KCND2: variants seen among roughly 807,000 people sequenced by gnomAD.
KCND2 encodes the protein A-type voltage-gated potassium channel KCND2.
KCND2 carries 16 observed loss-of-function variants against 54.4 expected under a neutral mutation model. The ratio of observed to expected loss-of-function variants is 0.29; its 90% confidence interval spans 0.20 to 0.45. The LOEUF is 0.45. KCND2 is among the 20% of genes least tolerant of loss of function. The pLI, the probability that KCND2 is intolerant of heterozygous loss-of-function variation, is 1.00. For missense variants in KCND2, 486 were observed against 824.2 expected, an observed-to-expected ratio of 0.59 and a Z score of 5.02; for synonymous variants, 317 against 310.7, an observed-to-expected ratio of 1.02 and a Z score of -0.21.
At chr7:120,358,796 G>T (rs1800546615) in intron 1 of KCND2, among the ~76,000 whole-genome samples, 1 of 152,086 alleles carries the variant, frequency 6.6e-6, no homozygotes, top group African/African-American at 2.4e-5. Flanking sequence ...GTACTCTTCT[G>T]TAAAGTATTT....
intron 1 of KCND2, among the ~76,000 whole-genome samples, chr7:120,648,122 C>G (rs971635609): frequency 1.3e-5 from 2 of 152,116 alleles, no homozygotes; most frequent in Non-Finnish European, 2.9e-5. Flanking sequence ...TCCTGTCCTC[C>G]TAAACTATCT....
At chr7:120,306,683 A>C (rs1391300302) in intron 1 of KCND2, among the ~76,000 whole-genome samples, 1 of 152,090 alleles carries the variant, frequency 6.6e-6, no homozygotes, top group Non-Finnish European at 1.5e-5. Flanking sequence ...CTCCATGTTT[A>C]TGTGTGTATA....
intron 1 of KCND2, among the ~76,000 whole-genome samples, chr7:120,698,308 T>C (rs1330176248): frequency 6.6e-6 from 1 of 152,216 alleles, no homozygotes; most frequent in East Asian, 1.9e-4. Context: ...GCAAATTACT[T>C]AAGAGCATGC....
At chr7:120,724,267 T>A (rs1314809393) in intron 1 of KCND2, among the ~76,000 whole-genome samples, 1 of 152,158 alleles carries the variant, frequency 6.6e-6, no homozygotes, top group Non-Finnish European at 1.5e-5. Flanking sequence ...TTCTACTCTC[T>A]CAGTTGCAAG....
chr7:120,537,871 C>T (rs1254631412), intron 1 of KCND2, among the ~76,000 whole-genome samples: 1 of 152,124 alleles, frequency 6.6e-6, no homozygotes, highest in Non-Finnish European at 1.5e-5. Flanking sequence ...CTGGTTTGAT[C>T]TCTTATCCAG....
chr7:120,696,937 C>G (rs1028958381), intron 1 of KCND2, among the ~76,000 whole-genome samples: 1 of 152,178 alleles, frequency 6.6e-6, no homozygotes, highest in Non-Finnish European at 1.5e-5. Context: ...GCTTCTAGAT[C>G]ATCAAGTAAA....
intron 1 of KCND2, among the ~76,000 whole-genome samples, chr7:120,566,668 T>C (rs925337289): frequency 1.3e-5 from 2 of 152,086 alleles, no homozygotes; most frequent in African/African-American, 4.8e-5. Flanking sequence ...GAATTCCCAT[T>C]ACTATTTTTG....
intron 1 of KCND2, among the ~76,000 whole-genome samples, chr7:120,644,275 C>G (rs1367214061): frequency 6.6e-6 from 1 of 152,160 alleles, no homozygotes; most frequent in Non-Finnish European, 1.5e-5. Flanking sequence ...GTTTTCAACT[C>G]TCCTGGAAAA....
At chr7:120,539,622 T>G (rs774739215) in intron 1 of KCND2, among the ~76,000 whole-genome samples, 2 of 152,178 alleles carry the variant, frequency 1.3e-5, no homozygotes, top group Non-Finnish European at 2.9e-5. Context: ...CTTTAGCTAT[T>G]AAGTATTTTA....
chr7:120,289,474 G>A (rs958322624), intron 1 of KCND2, among the ~76,000 whole-genome samples: 3 of 152,068 alleles, frequency 2.0e-5, no homozygotes. Flanking sequence ...AACATGGTCT[G>A]AGAAGCAAGT....
intron 1 of KCND2, among the ~76,000 whole-genome samples, chr7:120,624,780 CAA>C (rs72112527): frequency 6.6e-5 from 8 of 121,954 alleles, no homozygotes; most frequent in Non-Finnish European, 3.7e-5. Context: ...GACCCTGTCT[CAA>C]AAAAAAAAAA....
chr7:120,408,030 A>C lies in KCND2; in HGVS notation c.1115+132283A>C, dbSNP rs936774613. On this transcript the variant is annotated intron_variant, in intron 1 of 5. Transcript: ENST00000331113. ...GCGAAGAGGCTCTTGCTCTTGCAAC[A>C]CATGTTTAAGAAATGGGGGCCTGTA... 2.0e-5 allele frequency among the ~76,000 whole-genome samples: 3 copies of C among 151,990 alleles called. No homozygotes were observed. The South Asian group carries it at 6.2e-4, about 31-fold the overall frequency.
At chr7:120,417,801 A>G (rs187027257) in intron 1 of KCND2, among the ~76,000 whole-genome samples, 164 of 152,312 alleles carry the variant, frequency 1.1e-3, no homozygotes, top group African/African-American at 3.5e-3. Flanking sequence ...CAGTGGGAAC[A>G]GCACAACACA....
At chr7:120,444,052 C>T (rs989615579) in intron 1 of KCND2, among the ~76,000 whole-genome samples, 1 of 152,080 alleles carries the variant, frequency 6.6e-6, no homozygotes, top group African/African-American at 2.4e-5. Flanking sequence ...TCTTCATACC[C>T]TTATCCATGA....
Position 120,273,407 on chromosome 7 carries a change from C to T in KCND2, c.-1226C>T, listed in dbSNP as rs10257736. Among the ~76,000 whole-genome samples, 4,274 of 147,764 alleles carry T rather than the reference C, an allele frequency of 0.029. 204 individuals carry two copies. The highest frequency in any genetic ancestry group is 0.098 in the African/African-American group (4,034 of 41,042). ...GCCCCACCGCGCCAACGCCGCCCGC[C>T]CGGCCGCCCCGCAGCCCCGCCGCCC... is the stretch of plus-strand genomic sequence containing the variant. On this transcript the variant is annotated 5_prime_UTR_variant, in exon 1 of 6. Coordinates refer to ENST00000331113, the MANE Select transcript of KCND2 (RefSeq NM_012281.3).
intron 1 of KCND2, among the ~76,000 whole-genome samples, chr7:120,598,991 T>G (rs1041790933): frequency 6.6e-6 from 1 of 152,170 alleles, no homozygotes; most frequent in Non-Finnish European, 1.5e-5. Context: ...CATTTTGAGT[T>G]AAATTTTGTG....
chr7:120,354,898 C>T (rs1800476438), intron 1 of KCND2, among the ~76,000 whole-genome samples: 1 of 152,196 alleles, frequency 6.6e-6, no homozygotes, highest in Non-Finnish European at 1.5e-5. Context: ...CTATACTATT[C>T]TTCAGCTTTG....
In KCND2 at chr7:120,294,841, T is replaced by C. The variant is rs540061013; in HGVS notation, c.1115+19094T>C. On this transcript the variant is annotated intron_variant, in intron 1 of 5. Coordinates refer to ENST00000331113, the MANE Select transcript of KCND2 (RefSeq NM_012281.3). ...ACACACATATACATATATACACATG[T>C]ATATACATACACACATATGTACACA... Among the ~76,000 whole-genome samples the C allele has an allele frequency of 4.6e-5, 7 of 151,968 alleles. No individual in the cohort carries two copies. The East Asian group carries it at 1.4e-3, about 29-fold the overall frequency.
At chr7:120,577,300 G>A (rs148212721) in intron 1 of KCND2, among the ~76,000 whole-genome samples, 21 of 152,208 alleles carry the variant, frequency 1.4e-4, no homozygotes, top group African/African-American at 4.6e-4. Flanking sequence ...TGAACTCATG[G>A]AAATAGAGGT....
Sources: allele counts gnomAD v4.1 joint callset (sites outside exome capture counted in the v4.1 genomes callset), GRCh38; gene constraint gnomAD v4.1.1; transcripts MANE v1.5; gene names NCBI Gene and HGNC (gene_info 2026-07-23, HGNC 2026-07-21).